Variants in SEH1L observed in about 807,000 individuals in gnomAD.
The protein encoded by SEH1L is nucleoporin SEH1.
A neutral mutation model predicts 49.5 loss-of-function variants in SEH1L; 18 were observed. The ratio of observed to expected loss-of-function variants is 0.36; its 90% CI spans 0.25 to 0.54. SEH1L has a LOEUF of 0.54. Ranked by LOEUF, SEH1L falls within the 20% of genes least tolerant of loss-of-function variation. The pLI is 0.87. For missense variants in SEH1L, 404 were observed against 528.8 expected (o/e 0.76, Z 2.31); for synonymous variants, 169 against 178.1 (o/e 0.95, Z 0.41).
At chr18:12,985,143 TC>T in intron 8 of SEH1L, 2 of 1,348,768 alleles carry the variant, frequency 1.5e-6, no homozygotes, top group South Asian at 2.7e-5. Flanking sequence ...GTAAATAGCT[TC>T]TATTTTTTGA....
At chr18:12,948,349 G>C in intron 1 of SEH1L, 117 bp downstream of exon 1, 1 of 759,110 alleles carries the variant, frequency 1.3e-6, no homozygotes, top group Non-Finnish European at 2.2e-6. Context: ...GCTGTGGGGT[G>C]GCGGGCGAGC....
intron 1 of SEH1L, among the ~76,000 whole-genome samples, chr18:12,950,651 A>G (rs2030465376): frequency 6.6e-6 from 1 of 152,180 alleles, no homozygotes; most frequent in Admixed American, 6.5e-5. Flanking sequence ...AAATTAGTGG[A>G]TATTTTAAAC....
chr18:12,956,451 A>C (rs1329482361), intron 3 of SEH1L, among the ~76,000 whole-genome samples: 1 of 84,790 alleles, frequency 1.2e-5, no homozygotes, highest in African/African-American at 6.4e-5. Context: ...GTGTCTGGGG[A>C]ATCAAAAAAA....
chr18:12,979,440 CA>C (rs1302370384), intron 6 of SEH1L, among the ~76,000 whole-genome samples: 2 of 150,528 alleles, frequency 1.3e-5, no homozygotes, highest in Non-Finnish European at 3.0e-5. Flanking sequence ...TAGTATAGAA[CA>C]AAATGAAAAG....
rs935079374 is a variant in SEH1L at position 12,948,018 on chromosome 18, G to T, written c.-104G>T. The T allele has an allele frequency of 2.6e-6, 2 of 766,690 alleles. No homozygotes were observed. Among genetic ancestry groups the T allele is most frequent in the Admixed American group, 2.5e-5 (1 of 40,318 alleles). The allele number at this position is 766,690 out of a possible 1,614,324, so 47.5% of individuals were successfully genotyped here. On this transcript the variant is annotated 5_prime_UTR_variant, in exon 1 of 9. Transcript: ENST00000399892. ...CGGTGCGGGGGCGTGGGCAGCACAA[G>T]CCGTGCGCTCCCGGGCTGCGAGGTC...
At chr18:12,953,764 T>G (rs2030690904) in intron 2 of SEH1L, among the ~76,000 whole-genome samples, 1 of 152,258 alleles carries the variant, frequency 6.6e-6, no homozygotes, top group Admixed American at 6.5e-5. Flanking sequence ...CACCTTTTTC[T>G]AGTTCTAAAA....
chr18:12,973,541 C>T (rs2031789262), intron 5 of SEH1L: 1 of 152,186 alleles, frequency 6.6e-6, no homozygotes, highest in African/African-American at 2.4e-5. Context: ...CTCAGGTGAT[C>T]CACCCACCTC....
chr18:12,969,211 GCCCCCCCCC>G (rs112516463), intron 4 of SEH1L, among the ~76,000 whole-genome samples: 4 of 55,108 alleles, frequency 7.3e-5, no homozygotes, highest in South Asian at 8.4e-4. Flanking sequence ...CTCTGTACCC[GCCCCCCCCC>G]CCCCCCCCAC....
intron 8 of SEH1L, chr18:12,986,594 A>AT: frequency 9.8e-7 from 1 of 1,016,638 alleles, no homozygotes; most frequent in Non-Finnish European, 1.2e-6. Flanking sequence ...ATTTATATAT[A>AT]TTTTTTAACA....
In SEH1L at chr18:12,963,300, C is replaced by T; in HGVS notation, c.450C>T (p.Leu150=). ...RIYEAPDVMN[L]SQWSLQHEIS... is the part of the protein sequence containing the mutation. ...ATGAGGCACCAGATGTTATGAATCT[C>T]AGCCAGTGGTCTTTGCAGCATGAGA... Residue 150 remains leucine (L), a synonymous_variant, in exon 4 of 9, where the codon CTC becomes CTT. Transcript: ENST00000399892. 7.4e-6 allele frequency: 12 copies of T among 1,614,176 alleles called. No homozygotes were observed. The highest frequency in any genetic ancestry group is 8.5e-6 in the Non-Finnish European group (10 of 1,180,018).
intron 2 of SEH1L, among the ~76,000 whole-genome samples, chr18:12,953,678 G>A (rs1208431032): frequency 6.6e-6 from 1 of 152,136 alleles, no homozygotes; most frequent in Non-Finnish European, 1.5e-5. Context: ...TTAAGGTGAG[G>A]TTAACTTATA....
intron 5 of SEH1L, 23 bp from the exon 6 acceptor site, chr18:12,978,728 TA>T (rs2145656953): frequency 6.3e-7 from 1 of 1,591,182 alleles, no homozygotes. Context: ...TCTAAAATGT[TA>T]ATGTCAATTG....
At chr18:12,961,017 G>C (rs185725153) in intron 3 of SEH1L, among the ~76,000 whole-genome samples, 70 of 152,196 alleles carry the variant, frequency 4.6e-4, no homozygotes, top group African/African-American at 1.7e-3. Flanking sequence ...TGCATGGTTT[G>C]ATCTTGGACT....
intron 5 of SEH1L, chr18:12,971,634 C>CA (rs563028729): frequency 6.9e-4 from 90 of 130,944 alleles, no homozygotes; most frequent in South Asian, 9.7e-4. Context: ...AACCCTGCCT[C>CA]AAAAAAAAAA....
chr18:12,970,850 T>C (rs983326090), intron 4 of SEH1L, among the ~76,000 whole-genome samples: 1 of 152,264 alleles, frequency 6.6e-6, no homozygotes, highest in Non-Finnish European at 1.5e-5. Flanking sequence ...ACCTCTTAAG[T>C]ATCTTTTAAA....
chr18:12,956,876 G>C (rs1380076930), intron 3 of SEH1L, among the ~76,000 whole-genome samples: 2 of 151,968 alleles, frequency 1.3e-5, no homozygotes, highest in Non-Finnish European at 2.9e-5. Context: ...AAATAACATG[G>C]CTAACATGGT....
chr18:12,964,275 C>A (rs1196056784), intron 4 of SEH1L, among the ~76,000 whole-genome samples: 2 of 152,262 alleles, frequency 1.3e-5, no homozygotes, highest in East Asian at 3.9e-4. Context: ...CCCCTAAAAA[C>A]AAATGCTGTC....
At chr18:12,974,997 T>C (rs1213086251) in intron 5 of SEH1L, among the ~76,000 whole-genome samples, 1 of 150,862 alleles carries the variant, frequency 6.6e-6, no homozygotes, top group South Asian at 2.1e-4. Context: ...ATTTTTATTT[T>C]ATTTTTTTTT....
At chr18:12,983,124 T>G (rs2145670685) in intron 7 of SEH1L, 1 of 153,462 alleles carries the variant, frequency 6.5e-6, no homozygotes, top group South Asian at 2.1e-4. Context: ...ATTGTAAGTT[T>G]CTTCTAAGTG....
Sources: allele counts gnomAD v4.1 joint callset (sites outside exome capture counted in the v4.1 genomes callset), GRCh38; gene constraint gnomAD v4.1.1; transcripts MANE v1.5; gene names NCBI Gene and HGNC (gene_info 2026-07-23, HGNC 2026-07-21).